The following METTL15 variants were observed in gnomAD, a reference collection of about 807,000 sequenced individuals.
METTL15 encodes the protein 12S rRNA N(4)-cytidine methyltransferase METTL15.
METTL15 carries 34 observed loss-of-function variants against 38.3 expected under a neutral mutation model. The ratio of observed to expected loss-of-function variants is 0.89; its 90% confidence interval spans 0.68 to 1.18. METTL15 has a LOEUF of 1.18. Among genes scored for constraint, METTL15 ranks in the 50% most tolerant of loss-of-function variants. The probability of loss-of-function intolerance (pLI) is 0.00; values close to 1 mark genes in which losing one functional copy is unlikely to be tolerated. For synonymous variants in METTL15, 162 were observed against 170.9 expected, an observed-to-expected ratio of 0.95 and a Z score of 0.41; for missense variants, 438 against 498.4, an observed-to-expected ratio of 0.88 and a Z score of 1.15.
intron 3 of METTL15, among the ~76,000 whole-genome samples, chr11:28,181,682 G>A (rs932411581): frequency 2.0e-5 from 3 of 151,608 alleles, no homozygotes; most frequent in Non-Finnish European, 4.4e-5. Context: ...GTGGGTTCCA[G>A]CCTTTGCTAA....
At chr11:28,223,515 A>C (rs1198320415) in intron 4 of METTL15, among the ~76,000 whole-genome samples, 1 of 152,192 alleles carries the variant, frequency 6.6e-6, no homozygotes, top group African/African-American at 2.4e-5. Flanking sequence ...AGTAGGGCAC[A>C]GAATGAAACA....
intron 4 of METTL15, among the ~76,000 whole-genome samples, chr11:28,355,319 A>G (rs928131065): frequency 6.6e-6 from 1 of 152,224 alleles, no homozygotes; most frequent in Non-Finnish European, 1.5e-5. Flanking sequence ...TTCTAGGCCC[A>G]ATCAATCCAA....
intron 4 of METTL15, among the ~76,000 whole-genome samples, chr11:28,268,095 G>A (rs1164409803): frequency 6.8e-6 from 1 of 147,604 alleles, no homozygotes; most frequent in Non-Finnish European, 1.5e-5. Flanking sequence ...TACTTGGGAG[G>A]CTGAGGCAGG....
At chr11:28,398,338 G>T (rs1850595437) in intron 5 of METTL15, among the ~76,000 whole-genome samples, 1 of 152,048 alleles carries the variant, frequency 6.6e-6, no homozygotes, top group Non-Finnish European at 1.5e-5. Context: ...TTCAGCATCT[G>T]TTGTTTCCTG....
chr11:28,293,130 C>A (rs1856587526), intron 5 of METTL15, among the ~76,000 whole-genome samples: 2 of 152,144 alleles, frequency 1.3e-5, no homozygotes. Context: ...AGTCCTTACC[C>A]ATGCCTATGT....
At chr11:28,228,815 T>C (rs1327581174) in intron 4 of METTL15, among the ~76,000 whole-genome samples, 1 of 151,954 alleles carries the variant, frequency 6.6e-6, no homozygotes, top group African/African-American at 2.4e-5. Context: ...AAATTTTTAA[T>C]TTTTTGCCAA....
intron 3 of METTL15, among the ~76,000 whole-genome samples, chr11:28,126,519 A>G (rs914824529): frequency 6.6e-6 from 1 of 152,124 alleles, no homozygotes; most frequent in African/African-American, 2.4e-5. Context: ...TGGAGGAATG[A>G]AAAGAAAGGT....
intron 4 of METTL15, among the ~76,000 whole-genome samples, chr11:28,224,004 T>C (rs1853365548): frequency 6.6e-6 from 1 of 152,064 alleles, no homozygotes; most frequent in South Asian, 2.1e-4. Context: ...AATCATTCCA[T>C]CATTTTACTA....
At chr11:28,290,648 T>C (rs1347147637) in intron 5 of METTL15, among the ~76,000 whole-genome samples, 1 of 152,164 alleles carries the variant, frequency 6.6e-6, no homozygotes, top group African/African-American at 2.4e-5. Flanking sequence ...CTGATTATCT[T>C]TTTTACTTAC....
intron 6 of METTL15, among the ~76,000 whole-genome samples, chr11:28,323,600 G>C (rs1250558655): frequency 6.6e-6 from 1 of 152,122 alleles, no homozygotes; most frequent in Non-Finnish European, 1.5e-5. Context: ...TAAGAGCAAG[G>C]TCAGGGGATG....
chr11:28,241,189 G>C (rs1854277120), intron 4 of METTL15, among the ~76,000 whole-genome samples: 1 of 152,144 alleles, frequency 6.6e-6, no homozygotes, highest in South Asian at 2.1e-4. Context: ...CCTATAATAA[G>C]CAGAATAGGT....
At chr11:28,491,426 A>G (rs530542983) in intron 6 of METTL15, among the ~76,000 whole-genome samples, 1 of 152,232 alleles carries the variant, frequency 6.6e-6, no homozygotes, top group South Asian at 2.1e-4. Flanking sequence ...ACTCATTCTT[A>G]TATCCCACAG....
intron 2 of METTL15, among the ~76,000 whole-genome samples, chr11:28,111,179 T>C (rs1328233565): frequency 6.6e-6 from 1 of 152,228 alleles, no homozygotes; most frequent in Non-Finnish European, 1.5e-5. Context: ...TAATAAAATA[T>C]TCAGGCTTTG....
At chr11:28,389,133 A>C (rs1421443939) in intron 5 of METTL15, among the ~76,000 whole-genome samples, 1 of 152,086 alleles carries the variant, frequency 6.6e-6, no homozygotes, top group Non-Finnish European at 1.5e-5. Context: ...ATAGTGCCTC[A>C]ATAAACATAC....
chr11:28,304,535 G>A (rs1857016404), intron 6 of METTL15, among the ~76,000 whole-genome samples: 1 of 152,026 alleles, frequency 6.6e-6, no homozygotes, highest in Non-Finnish European at 1.5e-5. Flanking sequence ...GTTCAACATG[G>A]TGAAACCCTG....
chr11:28,484,528 T>G (rs903386092), intron 6 of METTL15, among the ~76,000 whole-genome samples: 7 of 152,280 alleles, frequency 4.6e-5, no homozygotes, highest in Admixed American at 4.6e-4. Flanking sequence ...GCCTTGCCCC[T>G]CCTTTTCTCC....
In METTL15 at chr11:28,174,658, C is replaced by CA. The variant is rs1175814870; in HGVS notation, c.271-36396dup. Among the ~76,000 whole-genome samples, 6 of 150,932 alleles carry CA rather than the reference C, an allele frequency of 4.0e-5. No individual in the cohort carries two copies. The East Asian group carries it at 7.8e-4, about 20-fold the overall frequency. The stretch of plus-strand genomic sequence containing the variant: ...TGAAACCCCGTCTCTACTAAAAATA[C>CA]AAAAAAAATTGCTGGGCGTGGTGGC... On this transcript the variant is annotated intron_variant, in intron 3 of 6. Coordinates refer to ENST00000407364, the MANE Select transcript of METTL15 (RefSeq NM_001113528.2).
At chr11:28,485,919 G>A (rs1232331280) in intron 6 of METTL15, among the ~76,000 whole-genome samples, 1 of 152,150 alleles carries the variant, frequency 6.6e-6, no homozygotes, top group African/African-American at 2.4e-5. Context: ...CATGTAGAGA[G>A]AAACCTGTCT....
At chr11:28,421,795 C>G (rs1406200626) in intron 5 of METTL15, among the ~76,000 whole-genome samples, 1 of 151,942 alleles carries the variant, frequency 6.6e-6, no homozygotes, top group Non-Finnish European at 1.5e-5. Flanking sequence ...AAGGATGCCA[C>G]CTTCACTACT....
Sources: allele counts gnomAD v4.1 joint callset (sites outside exome capture counted in the v4.1 genomes callset), GRCh38; gene constraint gnomAD v4.1.1; transcripts MANE v1.5; gene names NCBI Gene and HGNC (gene_info 2026-07-23, HGNC 2026-07-21).